Variants in OTOG observed in about 807,000 individuals in gnomAD.
OTOG encodes the protein otogelin.
A neutral mutation model predicts 313.8 loss-of-function variants in OTOG; 296 were observed. The ratio of observed to expected loss-of-function variants is 0.94; its 90% CI spans 0.86 to 1.04. OTOG has a LOEUF of 1.04. Among genes scored for constraint, OTOG ranks in the 50% least tolerant of loss-of-function variants. The pLI is 0.00. For synonymous variants in OTOG, 1,533 were observed against 1,554.9 expected, an observed-to-expected ratio of 0.99 and a Z score of 0.33; for missense variants, 3,948 against 3,840.1, an observed-to-expected ratio of 1.03 and a Z score of -0.74.
intron 34 of OTOG, among the ~76,000 whole-genome samples, chr11:17,608,810 GT>G (rs1853453612): frequency 1.3e-5 from 2 of 152,202 alleles, no homozygotes; most frequent in South Asian, 4.1e-4. Context: ...ATGAGGCCAT[GT>G]GAGAATGTGC....
rs1268768080 is a variant in OTOG at position 17,559,664 on chromosome 11, T to C, written c.1342+2T>C. 1.9e-6 allele frequency: 3 copies of C among 1,550,330 alleles called. No individual in the cohort carries two copies. Among genetic ancestry groups the C allele is most frequent in the African/African-American group, 1.4e-5 (1 of 72,962 alleles). The stretch of plus-strand genomic sequence containing the variant: ...TGGACGGCTGCTATTGCCCCAATGG[T>C]ATGCTAGGGGCAGACGTAGGTGCCT... On this transcript the variant is annotated splice_donor_variant, in intron 12 of 55. Transcript: ENST00000399397. LOFTEE classifies it high-confidence loss of function.
At chr11:17,571,416 CCCT>C (rs1239910326) in intron 17 of OTOG, among the ~76,000 whole-genome samples, 72 of 152,272 alleles carry the variant, frequency 4.7e-4, no homozygotes, top group African/African-American at 1.7e-3. Context: ...ACCATGACCT[CCCT>C]CCGCTCAACA....
intron 23 of OTOG, among the ~76,000 whole-genome samples, chr11:17,581,193 G>A (rs1009076578): frequency 8.5e-5 from 13 of 152,170 alleles, no homozygotes; most frequent in East Asian, 1.9e-4. Flanking sequence ...AGAAGGGGGC[G>A]TCGGGGGAGG....
At chr11:17,645,128 G>A (rs1413401319) in intron 54 of OTOG, among the ~76,000 whole-genome samples, 1 of 152,210 alleles carries the variant, frequency 6.6e-6, no homozygotes, top group African/African-American at 2.4e-5. Context: ...CTAGAGATTG[G>A]AGTTTCTATT....
chr11:17,635,014 G>A (rs1174193321), intron 45 of OTOG, 66 bp downstream of exon 45: 8 of 1,536,534 alleles, frequency 5.2e-6, no homozygotes, highest in Non-Finnish European at 7.0e-6. Context: ...ACAGCTCTGG[G>A]GGCAGGGGCC....
intron 15 of OTOG, among the ~76,000 whole-genome samples, chr11:17,566,446 A>G (rs1484548060): frequency 2.6e-5 from 4 of 152,218 alleles, no homozygotes; most frequent in African/African-American, 9.7e-5. Flanking sequence ...AGCCGACTGT[A>G]TATGCATATC....
rs1852540639 is a variant in OTOG at position 17,576,848 on chromosome 11, G to C, written c.2562-20G>C. 1.3e-6 allele frequency: 2 copies of C among 1,550,100 alleles called. No homozygotes were observed. Among genetic ancestry groups the C allele is most frequent in the Non-Finnish European group, 1.7e-6 (2 of 1,146,852 alleles). The stretch of plus-strand genomic sequence containing the variant: ...GCAGTGACTGGGTCGGCTAACCCCA[G>C]GGCCCGTCTCTCTCTGCAGCCACTG... On this transcript the variant is annotated intron_variant, in intron 21 of 55. Transcript: ENST00000399397.
rs1346823523 is a variant in OTOG, at chr11:17,559,600, A to G, written c.1280A>G (p.His427Arg). The change falls in exon 12 of 56, where the codon CAT becomes CGT. Residue 427 changes from histidine to arginine, a missense_variant. Coordinates refer to ENST00000399397, the MANE Select transcript of OTOG (RefSeq NM_001292063.2). ...ECIACCPASC[H>R]PRASCVDSEI... ...ATCGCCTGCTGCCCTGCCTCCTGCC[A>G]TCCCCGGGCATCCTGTGTGGACAGT... 2.6e-6 allele frequency: 4 copies of G among 1,550,730 alleles called. No individual in the cohort carries two copies. The Admixed American group carries it at 7.8e-5, about 30-fold the overall frequency.
rs113771717 is a variant in OTOG at position 17,592,050 on chromosome 11, C to A, written c.3006+462C>A. ...CAGCAGTCAGTGGTAGAGCTGGGGT[C>A]AAGTTTGACCAAGAAATCTGACTGG... is the stretch of plus-strand genomic sequence containing the variant. On this transcript the variant is annotated intron_variant, in intron 25 of 55. Coordinates refer to ENST00000399397, the MANE Select transcript of OTOG (RefSeq NM_001292063.2). 4.2e-3 allele frequency among the ~76,000 whole-genome samples: 645 copies of A among 152,202 alleles called. 5 individuals are homozygous for A. The highest frequency in any genetic ancestry group is 0.015 in the African/African-American group (610 of 41,518).
chr11:17,590,580 CAG>C, intron 24 of OTOG, among the ~76,000 whole-genome samples: 1 of 152,348 alleles, frequency 6.6e-6, no homozygotes. Context: ...GTGCGGCAGC[CAG>C]AGTGGAACAT....
chr11:17,584,850 G>A (rs538713458), intron 23 of OTOG, among the ~76,000 whole-genome samples: 2 of 152,286 alleles, frequency 1.3e-5, no homozygotes, highest in Admixed American at 6.5e-5. Flanking sequence ...ATTTATTGGA[G>A]TATCATATGA....
chr11:17,641,029 C>A lies in OTOG; in HGVS notation c.8128C>A (p.Pro2710Thr). The change falls in exon 51 of 56, where the codon CCT becomes ACT. Residue 2710 changes from proline to threonine, a missense_variant. By Grantham distance (38) the Pro-to-Thr change is conservative (BLOSUM62 -1). Coordinates refer to ENST00000399397, the MANE Select transcript of OTOG (RefSeq NM_001292063.2). ...CTCCCGCTGCACCACCGTGCTCGAC[C>A]CTCTCACCAACTTCTACCAGATCAA... is the stretch of plus-strand genomic sequence containing the variant. ...HTSRCTTVLD[P>T]LTNFYQINTT... 3.2e-6 allele frequency: 5 copies of A among 1,547,904 alleles called. No homozygotes were observed. The highest frequency in any genetic ancestry group is 4.4e-6 in the Non-Finnish European group (5 of 1,146,894).
At chr11:17,552,999 A>C in intron 4 of OTOG, 120 bp from the exon 5 acceptor site, 51 of 809,764 alleles carry the variant, frequency 6.3e-5, no homozygotes, top group East Asian at 1.4e-4. Flanking sequence ...CTGCTGAGGA[A>C]TGTTGGGGCT....
chr11:17,635,693 T>C lies in OTOG; in HGVS notation c.7777T>C (p.Cys2593Arg). Residue 2593 changes from cysteine to arginine, a missense_variant, in exon 47 of 56, where the codon TGC becomes CGC. Cys to Arg is a radical substitution (Grantham distance 180). Transcript: ENST00000399397. Reference sequence around the variant, plus strand: ...GCACAGGAATACCACGGAACTCTGCTGCCCTCTGTACCAGTGTGGTGAGTC... The same window carrying C: ...GCACAGGAATACCACGGAACTCTGCCGCCCTCTGTACCAGTGTGGTGAGTC... ...TVHRNTTELC[C>R]PLYQCVCENF... The C allele has an allele frequency of 6.4e-7, 1 of 1,550,566 alleles. No homozygotes were observed. Among genetic ancestry groups the C allele is most frequent in the South Asian group, 1.2e-5 (1 of 84,064 alleles).
chr11:17,556,962 T>C (rs1240896727), intron 7 of OTOG, among the ~76,000 whole-genome samples, 156 bp from the exon 8 acceptor site: 2 of 152,164 alleles, frequency 1.3e-5, no homozygotes, highest in African/African-American at 4.8e-5. Flanking sequence ...CCATCTCTAA[T>C]GGTATACTTC....
chr11:17,569,223 C>A lies in OTOG; in HGVS notation c.1712C>A (p.Thr571Asn), dbSNP rs1852355398. The A allele has an allele frequency of 1.9e-6, 3 of 1,550,610 alleles. No homozygotes were observed. The East Asian group carries it at 7.3e-5, about 38-fold the overall frequency. ...ILHQDPRRQV[T>N]LTQAGDVLLF... Reference sequence around the variant, plus strand: ...CACCAGGACCCTCGGAGGCAGGTGACCCTGACCCAGGCAGGGGATGTCCTT... The same window carrying A: ...CACCAGGACCCTCGGAGGCAGGTGAACCTGACCCAGGCAGGGGATGTCCTT... Residue 571 changes from threonine (T) to asparagine (N), a missense_variant, in exon 16 of 56, where the codon ACC becomes AAC. Thr to Asn is a moderately conservative substitution (Grantham distance 65, BLOSUM62 0). Transcript: ENST00000399397.
At chr11:17,555,207 A>AGATGTGTG (rs769143670) in intron 6 of OTOG, among the ~76,000 whole-genome samples, 7 of 141,244 alleles carry the variant, frequency 5.0e-5, no homozygotes, top group South Asian at 4.6e-4. Context: ...GGGGGCAGAG[A>AGATGTGTG]TGTGTGTGTG....
At chr11:17,579,957 T>C (rs2134038982) in intron 23 of OTOG, among the ~76,000 whole-genome samples, 1 of 152,284 alleles carries the variant, frequency 6.6e-6, no homozygotes, top group South Asian at 2.1e-4. Flanking sequence ...GTGAAATTGG[T>C]ACAGTCTCAA....
intron 24 of OTOG, among the ~76,000 whole-genome samples, chr11:17,587,731 A>G (rs1273193598): frequency 1.3e-5 from 2 of 152,170 alleles, no homozygotes; most frequent in Admixed American, 1.3e-4. Flanking sequence ...TGACCCCAGA[A>G]GTCCCTGGGT....
Sources: gnomAD v4.1 joint callset for allele counts (sites outside exome capture counted in the v4.1 genomes callset) on GRCh38, gnomAD v4.1.1 for gene constraint, MANE v1.5 for transcripts, NCBI Gene and HGNC (gene_info 2026-07-23, HGNC 2026-07-21) for gene names.